The following GUCY1A1 variants were observed in gnomAD, a reference collection of about 807,000 sequenced individuals.
The protein encoded by GUCY1A1 is guanylate cyclase soluble subunit alpha-1.
In GUCY1A1, 48 loss-of-function variants were observed where a neutral mutation model predicts 64.5. That is an observed-to-expected ratio of 0.74 (90% CI 0.59 to 0.95). The LOEUF is 0.95. Ranked by LOEUF, GUCY1A1 falls within the 40% of genes least tolerant of loss-of-function variation. GUCY1A1 has a pLI of 0.00. For missense variants in GUCY1A1, 804 were observed against 825.3 expected (o/e 0.97, Z 0.32); for synonymous variants, 308 against 303.4 (o/e 1.02, Z -0.16).
chr4:155,689,837 G>A (rs77482346), intron 2 of GUCY1A1, among the ~76,000 whole-genome samples: 5,284 of 152,258 alleles, frequency 0.035, 127 homozygotes, highest in Non-Finnish European at 0.046. Context: ...TGAGGTTGCC[G>A]TTGTCTTTAG....
At chr4:155,683,403 A>G (rs1487968779) in intron 2 of GUCY1A1, among the ~76,000 whole-genome samples, 1 of 152,212 alleles carries the variant, frequency 6.6e-6, no homozygotes, top group Non-Finnish European at 1.5e-5. Context: ...TAGCCTATCT[A>G]TGTCACTTCC....
Position 155,710,784 on chromosome 4 carries a change from C to T in GUCY1A1, c.619C>T (p.Pro207Ser). 3 of 1,614,000 alleles carry T rather than the reference C, an allele frequency of 1.9e-6. No individual in the cohort carries two copies. Among genetic ancestry groups the T allele is most frequent in the Non-Finnish European group, 2.5e-6 (3 of 1,179,902 alleles). The change falls in exon 6 of 10, where the codon CCT becomes TCT. Residue 207 changes from proline (P) to serine (S), a missense_variant. Coordinates refer to ENST00000506455, the MANE Select transcript of GUCY1A1 (RefSeq NM_001130682.3). ...DDFLHVYYFFPKRTTSLILPG... is the reference protein window; with the variant it reads ...DDFLHVYYFFSKRTTSLILPG... ...TTTTCTACATGTTTACTACTTCTTC[C>T]CTAAGAGAACCACCTCCCTGATTCT...
Position 155,710,427 on chromosome 4 carries a change from G to C in GUCY1A1, c.377-115G>C. On this transcript the variant is annotated intron_variant, in intron 5 of 9. Transcript: ENST00000506455. Reference sequence around the variant, plus strand: ...TTCATTTTGGTTGGAAATGTTATTAGCAGATATAAAGGGAGCTAAATCAGC... The same window carrying C: ...TTCATTTTGGTTGGAAATGTTATTACCAGATATAAAGGGAGCTAAATCAGC... The C allele has an allele frequency of 4.6e-6, 3 of 648,556 alleles. No homozygotes were observed. The East Asian group carries it at 7.9e-5, about 17-fold the overall frequency. 40.2% of individuals were successfully genotyped at this position (648,556 alleles called of 1,614,324 possible).
At chr4:155,708,428 A>G in intron 5 of GUCY1A1, 134 bp downstream of exon 5, 1 of 551,368 alleles carries the variant, frequency 1.8e-6, no homozygotes, top group Non-Finnish European at 3.3e-6. Context: ...CTGTTAACGT[A>G]AAGAGTAACT....
At chr4:155,720,323 G>A (rs1284476775) in intron 8 of GUCY1A1, among the ~76,000 whole-genome samples, 4 of 149,832 alleles carry the variant, frequency 2.7e-5, no homozygotes, top group Non-Finnish European at 1.5e-5. Context: ...ATATTTATGA[G>A]CAGAAGAGCT....
At chr4:155,717,329 AG>A (rs1560959239) in intron 8 of GUCY1A1, 27 bp downstream of exon 8, 8 of 1,493,264 alleles carry the variant, frequency 5.4e-6, no homozygotes, top group Non-Finnish European at 7.2e-6. Flanking sequence ...ATTGTCCAAA[AG>A]ATGTCACAAG....
At chr4:155,714,621 A>G (rs904116329) in intron 7 of GUCY1A1, among the ~76,000 whole-genome samples, 4 of 152,220 alleles carry the variant, frequency 2.6e-5, no homozygotes, top group Non-Finnish European at 1.5e-5. Flanking sequence ...TTGCCACATA[A>G]CAATCTGACA....
rs541625046 is a variant in GUCY1A1 at position 155,714,527 on chromosome 4, T to C, written c.1572+944T>C. 8.1e-4 allele frequency among the ~76,000 whole-genome samples: 123 copies of C among 152,356 alleles called. 2 individuals are homozygous for C. In the South Asian group the frequency reaches 0.025, roughly 31 times the overall value. On this transcript the variant is annotated intron_variant, in intron 7 of 9. Transcript: ENST00000506455. ...TTTAGAATTAAAAGTTTTTACTGATTTAAATTACTTTGCTTTCTTTTAGAC... is the reference window on the plus strand; with the variant it reads ...TTTAGAATTAAAAGTTTTTACTGATCTAAATTACTTTGCTTTCTTTTAGAC...
intron 2 of GUCY1A1, among the ~76,000 whole-genome samples, chr4:155,677,196 G>C (rs1387848016): frequency 6.6e-6 from 1 of 152,144 alleles, no homozygotes; most frequent in Non-Finnish European, 1.5e-5. Context: ...TAAATAATCA[G>C]ATTAGTTGAT....
intron 5 of GUCY1A1, among the ~76,000 whole-genome samples, chr4:155,709,195 C>T (rs942653531): frequency 2.3e-4 from 3 of 13,110 alleles, no homozygotes; most frequent in East Asian, 0.012. Context: ...TCAAAACGGT[C>T]GTCCTGACAC....
At chr4:155,707,154 TTTCTTGGTTATCAGAATTACCA>T (rs937902873) in intron 4 of GUCY1A1, among the ~76,000 whole-genome samples, 4 of 152,204 alleles carry the variant, frequency 2.6e-5, no homozygotes, top group Admixed American at 6.5e-5. Flanking sequence ...TATGTAGGTT[TTTCTTGGTTATCAGAATTACCA>T]TCCTCTTCTT....
intron 2 of GUCY1A1, among the ~76,000 whole-genome samples, chr4:155,688,214 C>T (rs960967761): frequency 8.6e-5 from 13 of 150,476 alleles, no homozygotes; most frequent in South Asian, 2.1e-4. Flanking sequence ...GGCGACAGAG[C>T]GAGACTCCTC....
rs1735635768 is a variant in GUCY1A1, at chr4:155,732,246, T to A, written c.*2015T>A. On this transcript the variant is annotated 3_prime_UTR_variant, in exon 10 of 10. Transcript: ENST00000506455. ...ATACACAAAACAAATGAGGGGAATG[T>A]ATATAATCTTGGTGAAAAGTTGTAT... 2 of 151,900 alleles carry A rather than the reference T, an allele frequency of 1.3e-5. No homozygotes were observed. Among genetic ancestry groups the A allele is most frequent in the African/African-American group, 4.8e-5 (2 of 41,414 alleles). 9.4% of individuals were successfully genotyped at this position (151,900 alleles called of 1,614,324 possible).
At chr4:155,673,817 C>CTCAAACTAAGCTCTGCT (rs1734482391) in intron 2 of GUCY1A1, among the ~76,000 whole-genome samples, 1 of 151,518 alleles carries the variant, frequency 6.6e-6, no homozygotes, top group Admixed American at 6.6e-5. Flanking sequence ...TCTTGTAGAT[C>CTCAAACTAAGCTCTGCT]TCAAACTAAG....
chr4:155,730,242 A>T lies in GUCY1A1; in HGVS notation c.*11A>T. On this transcript the variant is annotated 3_prime_UTR_variant, in exon 10 of 10. Transcript: ENST00000506455. ...TCAGGAATAGATTAGCAACCTATAT[A>T]CCTATTTATAAGTCTTTGGGGTTTG... is the stretch of plus-strand genomic sequence containing the variant. The T allele has an allele frequency of 4.6e-6, 7 of 1,526,526 alleles. No individual in the cohort carries two copies. Among genetic ancestry groups the T allele is most frequent in the Non-Finnish European group, 6.4e-6 (7 of 1,101,188 alleles). 94.6% of individuals were successfully genotyped at this position (1,526,526 alleles called of 1,614,324 possible).
chr4:155,732,363 G>A lies in GUCY1A1; in HGVS notation c.*2132G>A, dbSNP rs1004434132. The A allele has an allele frequency of 5.2e-5, 8 of 152,392 alleles. No homozygotes were observed. The highest frequency in any genetic ancestry group is 1.2e-4 in the African/African-American group (5 of 41,510). The allele number at this position is 152,392 out of a possible 1,614,324, so 9.4% of individuals were successfully genotyped here. ...CCAAAAAACATATTTTCACAGTGAA[G>A]TTAAATCATCTGTGATAGGTTCCCC... On this transcript the variant is annotated 3_prime_UTR_variant, in exon 10 of 10. Coordinates refer to ENST00000506455, the MANE Select transcript of GUCY1A1 (RefSeq NM_001130682.3).
At chr4:155,712,318 G>C (rs1732679222) in intron 6 of GUCY1A1, among the ~76,000 whole-genome samples, 1 of 152,170 alleles carries the variant, frequency 6.6e-6, no homozygotes, top group Admixed American at 6.5e-5. Flanking sequence ...TTTTTATACA[G>C]ACAAAGTTTC....
intron 8 of GUCY1A1, among the ~76,000 whole-genome samples, chr4:155,719,848 T>C (rs1733734494): frequency 6.6e-6 from 1 of 152,144 alleles, no homozygotes; most frequent in African/African-American, 2.4e-5. Flanking sequence ...CCACAAGTGG[T>C]CTCAAATAGA....
chr4:155,711,572 TAAG>T (rs1732579965), intron 6 of GUCY1A1, among the ~76,000 whole-genome samples: 1 of 152,228 alleles, frequency 6.6e-6, no homozygotes, highest in Admixed American at 6.5e-5. Context: ...GGTTGAATAA[TAAG>T]AGGTATTGTT....
Sources: gnomAD v4.1 joint callset for allele counts (sites outside exome capture counted in the v4.1 genomes callset) on GRCh38, gnomAD v4.1.1 for gene constraint, MANE v1.5 for transcripts, NCBI Gene and HGNC (gene_info 2026-07-23, HGNC 2026-07-21) for gene names.